MEP1B: variants seen among roughly 807,000 people sequenced by gnomAD.
MEP1B encodes the protein meprin A subunit beta.
MEP1B carries 80 observed loss-of-function variants against 84.6 expected under a neutral mutation model. The observed-to-expected ratio is 0.95, with a 90% CI of 0.79 to 1.14. The LOEUF is 1.14. Ranked by LOEUF, MEP1B falls within the 50% of genes most tolerant of loss-of-function variation. The pLI, the probability that MEP1B is intolerant of heterozygous loss-of-function variation, is 0.00. For synonymous variants in MEP1B, 273 were observed against 288.1 expected (o/e 0.95, Z 0.53); for missense variants, 766 against 855.1 (o/e 0.90, Z 1.30).
Position 32,215,216 on chromosome 18 carries a change from G to C in MEP1B, c.1714G>C (p.Asp572His), listed in dbSNP as rs1271203968. Residue 572 changes from aspartate to histidine, a missense_variant, in exon 12 of 15, where the codon GAT (aspartate) becomes CAT (histidine). Asp to His is a moderately conservative substitution (Grantham distance 81). Coordinates refer to ENST00000269202, the MANE Select transcript of MEP1B (RefSeq NM_005925.3). The part of the protein sequence containing the change: ...FITHERLKSR[D>H]FIKGDDVYIL... ...AACCCACGAAAGGCTGAAAAGCAGA[G>C]ATTTTATAAAAGGAGATGATGTTTA... The C allele has an allele frequency of 9.9e-6, 16 of 1,609,890 alleles. No homozygotes were observed. The highest frequency in any genetic ancestry group is 1.4e-5 in the Non-Finnish European group (16 of 1,178,524).
Position 32,196,526 on chromosome 18 carries a change from G to T in MEP1B, c.250+1041G>T. 1 of 697,650 alleles carries T rather than the reference G, an allele frequency of 1.4e-6. No individual in the cohort carries two copies. Among genetic ancestry groups the T allele is most frequent in the Non-Finnish European group, 2.6e-6 (1 of 379,596 alleles). 43.2% of individuals were successfully genotyped at this position (697,650 alleles called of 1,614,324 possible). ...CCGAGGTGATGAGGTGGTGGCCAAG[G>T]GCCACCTTGAGAGCTTTGGGCCCTT... On this transcript the variant is annotated intron_variant, in intron 5 of 14. Transcript: ENST00000269202. This position sits in a 1 kb window ranked among gnomAD's most constrained non-coding sequence, Gnocchi z 4.4.
intron 6 of MEP1B, among the ~76,000 whole-genome samples, chr18:32,203,764 C>T (rs902166505): frequency 3.9e-5 from 6 of 152,028 alleles, no homozygotes; most frequent in Middle Eastern, 3.2e-3. Flanking sequence ...GGGAGGCCTC[C>T]GGAAGCTTAT....
At chr18:32,210,377 T>A (rs982268251) in intron 9 of MEP1B, 124 bp from the exon 10 acceptor site, 10 of 771,618 alleles carry the variant, frequency 1.3e-5, no homozygotes, top group Admixed American at 5.7e-5. Flanking sequence ...CTGTCATTTC[T>A]CCCTGGCGAT....
At chr18:32,208,296 A>G (rs755063544) in intron 9 of MEP1B, 25 bp downstream of exon 9, 67 of 1,589,768 alleles carry the variant, frequency 4.2e-5, no homozygotes, top group Non-Finnish European at 5.6e-5. Flanking sequence ...ATATTCCTAG[A>G]CTGTATACTC....
At chr18:32,209,672 A>G (rs963558831) in intron 9 of MEP1B, among the ~76,000 whole-genome samples, 13 of 149,982 alleles carry the variant, frequency 8.7e-5, no homozygotes, top group Admixed American at 1.3e-4. Flanking sequence ...CATTTTAAAA[A>G]TATTAAAATG....
In MEP1B at chr18:32,192,801, A is replaced by G; in HGVS notation, c.155A>G (p.Asp52Gly). 3 of 1,612,804 alleles carry G rather than the reference A, an allele frequency of 1.9e-6. No individual in the cohort carries two copies. The highest frequency in any genetic ancestry group is 2.5e-6 in the Non-Finnish European group (3 of 1,179,288). ...TTGGGACTGGATCTTTTTGAGGGTG[A>G]CATCAGACTTGATAGGGTGAGTTGA... ...EGLGLDLFEG[D>G]IRLDRAQIRN... Residue 52 changes from aspartate to glycine, a missense_variant, in exon 4 of 15, where the codon GAC becomes GGC. By Grantham distance (94) the Asp-to-Gly change is moderately conservative. Transcript: ENST00000269202.
At chr18:32,201,246 A>AAAT (rs2040908180) in intron 5 of MEP1B, among the ~76,000 whole-genome samples, 1 of 152,066 alleles carries the variant, frequency 6.6e-6, no homozygotes, top group Non-Finnish European at 1.5e-5. Context: ...ATAATGACCC[A>AAAT]AATATGATAC....
At chr18:32,203,544 T>C (rs1474976518) in intron 6 of MEP1B, among the ~76,000 whole-genome samples, 1 of 152,184 alleles carries the variant, frequency 6.6e-6, no homozygotes, top group East Asian at 1.9e-4. Flanking sequence ...TTTGCTCCTA[T>C]GTAATATTTG....
chr18:32,202,349 T>C (rs2040920596), intron 5 of MEP1B, among the ~76,000 whole-genome samples: 1 of 152,198 alleles, frequency 6.6e-6, no homozygotes, highest in African/African-American at 2.4e-5. Context: ...ATCCAGAGCA[T>C]TGGCTCTTAC....
At position 32,196,942 on chromosome 18, in the gene MEP1B, G is replaced by T; in HGVS notation, c.250+1457G>T. 6.3e-6 allele frequency: 2 copies of T among 317,440 alleles called. No homozygotes were observed. The highest frequency in any genetic ancestry group is 1.2e-5 in the Non-Finnish European group (2 of 166,198). 19.7% of individuals were successfully genotyped at this position (317,440 alleles called of 1,614,324 possible). A position where few individuals can be genotyped will look rare whatever the true frequency, so the allele number is the denominator to read the frequency against. On this transcript the variant is annotated intron_variant, in intron 5 of 14. Coordinates refer to ENST00000269202, the MANE Select transcript of MEP1B (RefSeq NM_005925.3). The surrounding 1 kb of genome is among the most constrained non-coding windows in gnomAD (Gnocchi z 4.4). ...GCTCCCTACACTTGGTTAAACAGGT[G>T]CAGGGCCTGATTGATGGGCTCACAG...
chr18:32,213,701 G>A (rs924769138), intron 11 of MEP1B, 142 bp downstream of exon 11: 1 of 654,902 alleles, frequency 1.5e-6, no homozygotes, highest in Admixed American at 2.9e-5. Flanking sequence ...TAGGGGAAAG[G>A]TTTCAAGAAT....
intron 10 of MEP1B, among the ~76,000 whole-genome samples, chr18:32,212,147 A>G (rs1430812357): frequency 8.0e-5 from 12 of 150,744 alleles, no homozygotes; most frequent in Admixed American, 8.0e-4. Context: ...AAATATTGAT[A>G]TAATGTATCT....
chr18:32,210,539 A>C lies in MEP1B; in HGVS notation c.958A>C (p.Asn320His). Residue 320 changes from asparagine (N) to histidine (H), a missense_variant, in exon 10 of 15, where the codon AAT becomes CAT. Asn to His is a moderately conservative substitution (Grantham distance 68, BLOSUM62 1). Coordinates refer to ENST00000269202, the MANE Select transcript of MEP1B (RefSeq NM_005925.3). ...FFMHFDSSSV[N>H]VGATAVLESR... The stretch of plus-strand genomic sequence containing the variant: ...CATGCATTTCGATAGCAGCTCTGTA[A>C]ATGTGGGGGCCACAGCAGTGCTGGA... The C allele has an allele frequency of 1.9e-6, 3 of 1,613,988 alleles. No homozygotes were observed. Among genetic ancestry groups the C allele is most frequent in the Non-Finnish European group, 2.5e-6 (3 of 1,179,884 alleles).
intron 6 of MEP1B, 172 bp downstream of exon 6, chr18:32,203,182 T>C: frequency 1.9e-6 from 1 of 519,260 alleles, no homozygotes; most frequent in Non-Finnish European, 3.4e-6. Flanking sequence ...ATAGAAATTA[T>C]ATTCCCATAC....
At chr18:32,191,157 T>C (rs956509552) in intron 1 of MEP1B, among the ~76,000 whole-genome samples, 1 of 151,888 alleles carries the variant, frequency 6.6e-6, no homozygotes, top group African/African-American at 2.4e-5. Flanking sequence ...GACAGTCCTA[T>C]GAGCTTTTTA....
At chr18:32,199,057 G>A (rs1003078992) in intron 5 of MEP1B, among the ~76,000 whole-genome samples, 1 of 152,274 alleles carries the variant, frequency 6.6e-6, no homozygotes, top group Middle Eastern at 3.4e-3. Context: ...AACAAGAATG[G>A]AGAATTTAAC....
intron 2 of MEP1B, 108 bp from the exon 3 acceptor site, chr18:32,192,538 A>C (rs2040812102): frequency 3.2e-6 from 3 of 933,338 alleles, no homozygotes; most frequent in Non-Finnish European, 5.0e-6. Flanking sequence ...TCTAGTAGTC[A>C]CCTGAGGCCA....
chr18:32,218,276 G>C (rs1331267986), intron 14 of MEP1B, among the ~76,000 whole-genome samples: 1 of 152,132 alleles, frequency 6.6e-6, no homozygotes, highest in Non-Finnish European at 1.5e-5. Flanking sequence ...TTGCCTGAAA[G>C]TTCAAACCTT....
chr18:32,208,168 G>C lies in MEP1B; in HGVS notation c.816G>C (p.Val272=). Residue 272 remains valine (V), a synonymous_variant, in exon 9 of 15, where the codon GTG becomes GTC. Transcript: ENST00000269202. ...MDSCSFELEN[V]CGMIQSSGDN... ...CGTGCAGTTTTGAACTGGAAAATGT[G>C]TGTGGCATGATCCAAAGTTCAGGAG... 6.2e-7 allele frequency: 1 copy of C among 1,613,956 alleles called. No individual in the cohort carries two copies.
Sources: allele counts gnomAD v4.1 joint callset (sites outside exome capture counted in the v4.1 genomes callset), GRCh38; gene constraint gnomAD v4.1.1; non-coding constraint Gnocchi (gnomAD v3.1); transcripts MANE v1.5; gene names NCBI Gene and HGNC (gene_info 2026-07-23, HGNC 2026-07-21).